The following PDE10A variants were observed in gnomAD, a reference collection of about 807,000 sequenced individuals.
PDE10A encodes phosphodiesterase 10A.
Under a neutral mutation model 97.7 loss-of-function variants are expected in PDE10A, and 39 were observed. That is an observed-to-expected ratio of 0.40 (90% CI 0.31 to 0.52). PDE10A has a LOEUF of 0.52. Ranked by LOEUF, PDE10A falls within the 20% of genes least tolerant of loss-of-function variation. The pLI is 0.56. For missense variants in PDE10A, 731 were observed against 1,047.8 expected, an observed-to-expected ratio of 0.70 and a Z score of 4.17; for synonymous variants, 371 against 376.8, an observed-to-expected ratio of 0.98 and a Z score of 0.18.
chr6:165,389,782 G>A (rs780037589), intron 16 of PDE10A, among the ~76,000 whole-genome samples: 19 of 152,312 alleles, frequency 1.2e-4, no homozygotes, highest in Non-Finnish European at 2.2e-4. Flanking sequence ...CAAGGTTGTA[G>A]TTTGAGGTTG....
intron 1 of PDE10A, among the ~76,000 whole-genome samples, chr6:165,647,213 T>C (rs1019551382): frequency 1.3e-5 from 2 of 152,176 alleles, no homozygotes; most frequent in African/African-American, 4.8e-5. Flanking sequence ...AGGGAAACCA[T>C]ACAAAGCAAA....
chr6:165,808,305 C>G (rs1191148676), intron 1 of PDE10A, among the ~76,000 whole-genome samples: 2 of 152,202 alleles, frequency 1.3e-5, no homozygotes, highest in East Asian at 3.9e-4. Flanking sequence ...TCTGGTCCTC[C>G]TCCCAGAAGT....
chr6:165,420,625 G>A (rs1311611490), intron 10 of PDE10A, among the ~76,000 whole-genome samples: 1 of 152,096 alleles, frequency 6.6e-6, no homozygotes, highest in Non-Finnish European at 1.5e-5. Context: ...TTAATATTTT[G>A]GCATAAATAT....
chr6:165,641,066 A>AG (rs1312903438), intron 1 of PDE10A, among the ~76,000 whole-genome samples: 6 of 152,214 alleles, frequency 3.9e-5, no homozygotes, highest in African/African-American at 1.4e-4. Context: ...TCACAGCAAC[A>AG]TGGCTGTCTG....
At chr6:165,974,462 T>A (rs1226464071) in intron 1 of PDE10A, among the ~76,000 whole-genome samples, 1 of 152,158 alleles carries the variant, frequency 6.6e-6, no homozygotes, top group African/African-American at 2.4e-5. Flanking sequence ...TGGCCATGCT[T>A]CCTGGAGAAG....
intron 1 of PDE10A, among the ~76,000 whole-genome samples, chr6:165,983,984 C>T (rs1203782110): frequency 1.3e-5 from 2 of 152,232 alleles, no homozygotes; most frequent in Non-Finnish European, 1.5e-5. Flanking sequence ...GATGTGCTCC[C>T]GCCACTGCAG....
At chr6:165,960,888 C>T (rs549653450) in intron 1 of PDE10A, among the ~76,000 whole-genome samples, 34 of 152,252 alleles carry the variant, frequency 2.2e-4, no homozygotes, top group African/African-American at 8.2e-4. Context: ...GGCAGCTCTG[C>T]GCTGGCCCCC....
chr6:165,941,777 G>T (rs1181712696), intron 1 of PDE10A, among the ~76,000 whole-genome samples: 1 of 152,162 alleles, frequency 6.6e-6, no homozygotes, highest in Admixed American at 6.5e-5. Context: ...AGAGCTGTGG[G>T]TCAATTAAAC....
chr6:165,596,460 A>C (rs2322947), intron 1 of PDE10A, among the ~76,000 whole-genome samples: 1 of 152,144 alleles, frequency 6.6e-6, no homozygotes, highest in African/African-American at 2.4e-5. Context: ...CAGGTGCAGC[A>C]GTTTATACCT....
At chr6:165,588,674 T>C (rs980199543) in intron 1 of PDE10A, among the ~76,000 whole-genome samples, 3 of 152,182 alleles carry the variant, frequency 2.0e-5, no homozygotes, top group African/African-American at 7.2e-5. Flanking sequence ...AAAACCTACA[T>C]TATTCTGCCA....
rs190280485 is a variant in PDE10A at position 165,658,614 on chromosome 6, C to T, written c.865+3333G>A. On this transcript the variant is annotated intron_variant, in intron 1 of 21. Coordinates refer to ENST00000539869, the MANE Select transcript of PDE10A (RefSeq NM_001385079.1). The stretch of plus-strand genomic sequence containing the variant: ...TCAGGGCAGCCACACTGATCACCTG[C>T]GCAGACAACCTATGTTATCTTTTCT... Among the ~76,000 whole-genome samples the T allele has an allele frequency of 5.7e-3, 867 of 152,340 alleles. 22 individuals are homozygous for T. The highest frequency in any genetic ancestry group is 4.0e-3 in the Non-Finnish European group (271 of 68,038).
At chr6:165,615,207 C>G (rs1357532918) in intron 1 of PDE10A, among the ~76,000 whole-genome samples, 1 of 86,336 alleles carries the variant, frequency 1.2e-5, no homozygotes, top group African/African-American at 4.5e-5. Context: ...AAGACTCCAT[C>G]TCAGAAAAAA....
chr6:165,736,999 C>T (rs756567805), intron 1 of PDE10A, among the ~76,000 whole-genome samples: 40 of 152,178 alleles, frequency 2.6e-4, no homozygotes, highest in Non-Finnish European at 7.4e-5. Flanking sequence ...TACAAAGGAT[C>T]GTAAAAACTA....
At chr6:165,873,511 T>C (rs910666918) in intron 1 of PDE10A, among the ~76,000 whole-genome samples, 3 of 151,754 alleles carry the variant, frequency 2.0e-5, no homozygotes, top group African/African-American at 7.3e-5. Context: ...CTGTTTACTT[T>C]AATTCAACTT....
At chr6:165,888,269 T>C (rs1781684062) in intron 1 of PDE10A, among the ~76,000 whole-genome samples, 3 of 151,568 alleles carry the variant, frequency 2.0e-5, no homozygotes, top group African/African-American at 4.9e-5. Flanking sequence ...CCATTTGATT[T>C]ACCTATGCTT....
intron 13 of PDE10A, chr6:165,409,564 C>G (rs1163991197): frequency 6.1e-6 from 1 of 163,026 alleles, no homozygotes; most frequent in Non-Finnish European, 1.3e-5. Context: ...GAAAAGGTGT[C>G]TACAGCCATA....
intron 10 of PDE10A, among the ~76,000 whole-genome samples, chr6:165,422,306 C>CACACATACGCATAT (rs1237613552): frequency 2.0e-5 from 3 of 147,716 alleles, no homozygotes; most frequent in Non-Finnish European, 4.4e-5. Flanking sequence ...CATACGCATA[C>CACACATACGCATAT]ACACATACGC....
At chr6:165,789,935 C>A (rs906999119) in intron 1 of PDE10A, among the ~76,000 whole-genome samples, 1 of 151,854 alleles carries the variant, frequency 6.6e-6, no homozygotes, top group Non-Finnish European at 1.5e-5. Flanking sequence ...AAGAAAGAGA[C>A]GGGATGGTGT....
At chr6:165,931,715 T>C (rs926688229) in intron 1 of PDE10A, among the ~76,000 whole-genome samples, 1 of 152,298 alleles carries the variant, frequency 6.6e-6, no homozygotes, top group East Asian at 1.9e-4. Flanking sequence ...GAAAAGGTTC[T>C]ACATGAAATG....
Sources: gnomAD v4.1 joint callset for allele counts (sites outside exome capture counted in the v4.1 genomes callset) on GRCh38, gnomAD v4.1.1 for gene constraint, MANE v1.5 for transcripts, NCBI Gene and HGNC (gene_info 2026-07-23, HGNC 2026-07-21) for gene names.